Variants in ZSWIM6 observed in about 807,000 individuals in gnomAD.
The protein encoded by ZSWIM6 is zinc finger SWIM-type containing 6.
Under a neutral mutation model 113.2 loss-of-function variants are expected in ZSWIM6, and 9 were observed. That is an observed-to-expected ratio of 0.08 (90% confidence interval 0.05 to 0.14). The LOEUF is 0.14. Ranked by LOEUF, ZSWIM6 falls within the 10% of genes least tolerant of loss-of-function variation. The pLI is 1.00. For missense variants in ZSWIM6, 1,162 were observed against 1,552.2 expected, an observed-to-expected ratio of 0.75 and a Z score of 4.22; for synonymous variants, 611 against 606.5, an observed-to-expected ratio of 1.01 and a Z score of -0.11.
intron 5 of ZSWIM6, among the ~76,000 whole-genome samples, chr5:61,523,036 T>C (rs11952146): frequency 0.38 from 57,270 of 152,106 alleles, 10,943 homozygotes; most frequent in South Asian, 0.43. Flanking sequence ...TGATACAATT[T>C]GGGACCTTGT....
intron 1 of ZSWIM6, among the ~76,000 whole-genome samples, chr5:61,354,990 T>G (rs1275746887): frequency 6.6e-6 from 1 of 152,238 alleles, no homozygotes; most frequent in Non-Finnish European, 1.5e-5. Context: ...ATTTTACAGA[T>G]CATGAGTAAT....
chr5:61,422,570 A>C (rs1023287044), intron 1 of ZSWIM6, among the ~76,000 whole-genome samples: 2 of 152,254 alleles, frequency 1.3e-5, no homozygotes, highest in South Asian at 4.2e-4. Flanking sequence ...TTCCATACAA[A>C]GTTTAGGATT....
chr5:61,439,454 T>G (rs1053860839), intron 1 of ZSWIM6, among the ~76,000 whole-genome samples: 1 of 152,228 alleles, frequency 6.6e-6, no homozygotes, highest in African/African-American at 2.4e-5. Flanking sequence ...GGCTGCTTTT[T>G]AAATTGTGAA....
At position 61,332,619 on chromosome 5, in the gene ZSWIM6, G is replaced by A. The variant is rs1387721357; in HGVS notation, c.347G>A (p.Arg116His). 3.2e-6 allele frequency: 4 copies of A among 1,259,600 alleles called. No individual in the cohort carries two copies. The highest frequency in any genetic ancestry group is 3.1e-6 in the Non-Finnish European group (3 of 968,410). 78.0% of individuals were successfully genotyped at this position (1,259,600 alleles called of 1,614,324 possible). Residue 116 changes from arginine (R) to histidine (H), a missense_variant, in exon 1 of 14, where the codon CGC becomes CAC. By Grantham distance (29) the Arg-to-His change is conservative (BLOSUM62 0). Coordinates refer to ENST00000252744, the MANE Select transcript of ZSWIM6 (RefSeq NM_020928.2). ...QRRIVYWSFP[R>H]SEREICMYSS... The stretch of plus-strand genomic sequence containing the variant: ...CGCATAGTCTATTGGTCCTTCCCCC[G>A]CAGCGAGCGGGAGATCTGCATGTAC...
chr5:61,365,468 A>G (rs1362919415), intron 1 of ZSWIM6, among the ~76,000 whole-genome samples: 2 of 152,192 alleles, frequency 1.3e-5, no homozygotes, highest in Non-Finnish European at 2.9e-5. Flanking sequence ...GTGACACAGA[A>G]ATATAGCAGT....
intron 1 of ZSWIM6, among the ~76,000 whole-genome samples, chr5:61,458,378 C>T (rs541150201): frequency 6.6e-6 from 1 of 152,310 alleles, no homozygotes; most frequent in East Asian, 1.9e-4. Flanking sequence ...ATGAGGAGAT[C>T]TGCAAGAATG....
chr5:61,342,055 T>G (rs941019297), intron 1 of ZSWIM6, among the ~76,000 whole-genome samples: 1 of 151,992 alleles, frequency 6.6e-6, no homozygotes, highest in Non-Finnish European at 1.5e-5. Context: ...AACTTTTGTA[T>G]TTTTAGTAGG....
intron 1 of ZSWIM6, among the ~76,000 whole-genome samples, chr5:61,405,318 A>G (rs1180448801): frequency 6.6e-6 from 1 of 152,256 alleles, no homozygotes; most frequent in African/African-American, 2.4e-5. Context: ...GATTTTTTAA[A>G]TAAATAGGAT....
intron 4 of ZSWIM6, among the ~76,000 whole-genome samples, chr5:61,496,178 A>C (rs539490884): frequency 8.7e-4 from 132 of 152,252 alleles, no homozygotes; most frequent in Non-Finnish European, 1.5e-3. Context: ...TTTCTAATTA[A>C]GGACCAGGCT....
chr5:61,525,533 A>G (rs928289773), intron 5 of ZSWIM6, among the ~76,000 whole-genome samples: 2 of 152,176 alleles, frequency 1.3e-5, no homozygotes, highest in South Asian at 2.1e-4. Context: ...AGACTTGACA[A>G]TTCTTTTTGC....
chr5:61,381,307 G>A (rs897275502), intron 1 of ZSWIM6, among the ~76,000 whole-genome samples: 5 of 152,250 alleles, frequency 3.3e-5, no homozygotes, highest in Admixed American at 2.6e-4. Context: ...GGTGGTGAGC[G>A]CCTGTAGTCC....
intron 1 of ZSWIM6, among the ~76,000 whole-genome samples, chr5:61,374,843 C>G (rs953529882): frequency 6.6e-6 from 1 of 152,172 alleles, no homozygotes; most frequent in African/African-American, 2.4e-5. Flanking sequence ...GCGTGAGCTA[C>G]CGCGCCCGGC....
At position 61,471,040 on chromosome 5, in the gene ZSWIM6, C is replaced by T. The variant is rs569487661; in HGVS notation, c.677-1641C>T. ...CATCTGCAGCTCCATGTGCACCACCCGTTCCAGAGTCCCCACATGGTAGCA... is the reference window on the plus strand; with the variant it reads ...CATCTGCAGCTCCATGTGCACCACCTGTTCCAGAGTCCCCACATGGTAGCA... On this transcript the variant is annotated intron_variant, in intron 1 of 13. Coordinates refer to ENST00000252744, the MANE Select transcript of ZSWIM6 (RefSeq NM_020928.2). 2.6e-4 allele frequency among the ~76,000 whole-genome samples: 40 copies of T among 152,286 alleles called. 1 individual carries two copies. The South Asian group carries it at 6.6e-3, about 25-fold the overall frequency.
intron 1 of ZSWIM6, among the ~76,000 whole-genome samples, chr5:61,427,114 G>C (rs1746477888): frequency 6.6e-6 from 1 of 152,104 alleles, no homozygotes; most frequent in Admixed American, 6.5e-5. Context: ...GTTCATGACT[G>C]AATTATCTTT....
chr5:61,493,753 C>T (rs922482889), intron 3 of ZSWIM6, among the ~76,000 whole-genome samples: 1 of 152,088 alleles, frequency 6.6e-6, no homozygotes, highest in African/African-American at 2.4e-5. Flanking sequence ...ATACCTGTTC[C>T]CAGTGCCAGA....
intron 1 of ZSWIM6, among the ~76,000 whole-genome samples, chr5:61,452,948 G>T (rs1747116318): frequency 6.6e-6 from 1 of 152,128 alleles, no homozygotes; most frequent in South Asian, 2.1e-4. Flanking sequence ...CTTTGTAGAA[G>T]GACCCTCAAT....
At chr5:61,384,520 GT>G (rs2112084638) in intron 1 of ZSWIM6, among the ~76,000 whole-genome samples, 1 of 152,296 alleles carries the variant, frequency 6.6e-6, no homozygotes, top group African/African-American at 2.4e-5. Flanking sequence ...GAACAGTTGA[GT>G]CTGAATTCAT....
At chr5:61,478,705 T>TTTG (rs1747772872) in intron 2 of ZSWIM6, among the ~76,000 whole-genome samples, 10 of 147,566 alleles carry the variant, frequency 6.8e-5, no homozygotes, top group African/African-American at 2.5e-4. Context: ...GTGTGTGTGT[T>TTTG]TGTGTGTGTG....
chr5:61,401,913 T>A (rs181418645), intron 1 of ZSWIM6, among the ~76,000 whole-genome samples: 151 of 152,272 alleles, frequency 9.9e-4, no homozygotes, highest in African/African-American at 3.6e-3. Flanking sequence ...CTGCTGTCAT[T>A]TCTTTTGTCC....
Sources: allele counts gnomAD v4.1 joint callset (sites outside exome capture counted in the v4.1 genomes callset), GRCh38; gene constraint gnomAD v4.1.1; transcripts MANE v1.5; gene names NCBI Gene and HGNC (gene_info 2026-07-23, HGNC 2026-07-21).